Variants in DSCAML1 observed in about 807,000 individuals in gnomAD.
The protein encoded by DSCAML1 is cell adhesion molecule DSCAML1.
DSCAML1 carries 38 observed loss-of-function variants against 200.5 expected under a neutral mutation model. The ratio of observed to expected loss-of-function variants is 0.19; its 90% CI spans 0.15 to 0.25. The LOEUF (loss-of-function observed/expected upper bound fraction) is 0.25. Ranked by LOEUF, DSCAML1 falls within the 10% of genes least tolerant of loss-of-function variation. The probability of loss-of-function intolerance (pLI) is 1.00; values close to 1 mark genes in which losing one functional copy is unlikely to be tolerated. For synonymous variants in DSCAML1, 1,215 were observed against 1,165.0 expected, an observed-to-expected ratio of 1.04 and a Z score of -0.87; for missense variants, 2,223 against 2,858.8, an observed-to-expected ratio of 0.78 and a Z score of 5.07.
intron 3 of DSCAML1, among the ~76,000 whole-genome samples, chr11:117,692,235 G>T (rs1477624199): frequency 6.6e-6 from 1 of 151,882 alleles, no homozygotes; most frequent in African/African-American, 2.4e-5. Context: ...GCTTTTCCAG[G>T]CTTCTTTGCT....
chr11:117,808,854 C>T (rs1021133321), intron 1 of DSCAML1, among the ~76,000 whole-genome samples: 21 of 152,194 alleles, frequency 1.4e-4, no homozygotes, highest in African/African-American at 4.6e-4. Flanking sequence ...CACTTTGTGG[C>T]GTACATATCT....
At chr11:117,430,544 A>G (rs2047765120) in intron 32 of DSCAML1, among the ~76,000 whole-genome samples, 178 bp downstream of exon 32, 2 of 152,202 alleles carry the variant, frequency 1.3e-5, no homozygotes, top group African/African-American at 4.8e-5. Flanking sequence ...TTAAGCCAGG[A>G]TGTGGGCCCT....
At chr11:117,779,609 C>G (rs1196867079) in intron 2 of DSCAML1, among the ~76,000 whole-genome samples, 2 of 152,170 alleles carry the variant, frequency 1.3e-5, no homozygotes, top group Non-Finnish European at 2.9e-5. Context: ...GAACAACCAA[C>G]CTCCCACCAC....
intron 8 of DSCAML1, among the ~76,000 whole-genome samples, chr11:117,510,437 A>T (rs1479867808): frequency 6.7e-6 from 1 of 150,374 alleles, no homozygotes; most frequent in Admixed American, 6.6e-5. Context: ...CACTAAAGTC[A>T]GACACTGATT....
rs114236311 is a variant in DSCAML1 at position 117,666,309 on chromosome 11, C to T, written c.511+110482G>A. Among the ~76,000 whole-genome samples the T allele has an allele frequency of 2.5e-3, 382 of 152,260 alleles. 1 individual carries two copies. The highest frequency in any genetic ancestry group is 8.6e-3 in the African/African-American group (357 of 41,546). On this transcript the variant is annotated intron_variant, in intron 3 of 32. Transcript: ENST00000651296. The stretch of plus-strand genomic sequence containing the variant: ...TGGGGATCAAACAAGATCACACATG[C>T]AAAGAACCCACCCAGTAGCTAGCAT...
chr11:117,540,137 G>C (rs12788483), intron 3 of DSCAML1, among the ~76,000 whole-genome samples: 9,849 of 152,280 alleles, frequency 0.065, 439 homozygotes, highest in Non-Finnish European at 0.095. Context: ...GAGGGAAAAG[G>C]GGGAGTTGTT....
At chr11:117,671,545 G>T (rs983095065) in intron 3 of DSCAML1, among the ~76,000 whole-genome samples, 1 of 152,194 alleles carries the variant, frequency 6.6e-6, no homozygotes, top group Non-Finnish European at 1.5e-5. Flanking sequence ...ATTACCAAAG[G>T]ATTGTGTTCC....
chr11:117,467,045 G>C (rs777496726), intron 16 of DSCAML1, among the ~76,000 whole-genome samples: 2 of 152,128 alleles, frequency 1.3e-5, no homozygotes, highest in Non-Finnish European at 2.9e-5. Flanking sequence ...GGTTAGAAGG[G>C]GGCTGGTGGG....
chr11:117,458,699 G>A (rs520328), intron 19 of DSCAML1, 55 bp downstream of exon 19: 208,540 of 1,591,570 alleles, frequency 0.13, 15,598 homozygotes, highest in Admixed American at 0.28. Context: ...GGTGGGGCTG[G>A]GGGTTAGCAG....
intron 11 of DSCAML1, among the ~76,000 whole-genome samples, chr11:117,490,064 C>T (rs2049154998): frequency 6.6e-6 from 1 of 152,164 alleles, no homozygotes; most frequent in Non-Finnish European, 1.5e-5. Context: ...TCCAGATTTC[C>T]TTCTGCTCGT....
Position 117,481,202 on chromosome 11 carries a change from G to C in DSCAML1, c.2628C>G (p.Asp876Glu), listed in dbSNP as rs896663006. ...SCHAINSYGE[D>E]RGLIQLTVQE... is the part of the protein sequence containing the mutation. ...GCACAGTGAGTTGGATCAAGCCCCG[G>C]TCCTCCCCATACGAGTTGATGGCAT... The change falls in exon 13 of 33, where the codon GAC becomes GAG. Residue 876 changes from aspartate (D) to glutamate (E), a missense_variant. Transcript: ENST00000651296. 3.1e-6 allele frequency: 5 copies of C among 1,613,898 alleles called. No homozygotes were observed. Among genetic ancestry groups the C allele is most frequent in the East Asian group, 2.2e-5 (1 of 44,804 alleles).
upstream of DSCAML1, among the ~76,000 whole-genome samples, chr11:117,798,169 A>G (rs1011705403): frequency 2.0e-5 from 3 of 152,256 alleles, no homozygotes; most frequent in African/African-American, 4.8e-5. Flanking sequence ...AGAATGGCCT[A>G]TGAGCCAGGA....
chr11:117,626,662 A>G (rs1329332242), intron 3 of DSCAML1, among the ~76,000 whole-genome samples: 1 of 152,130 alleles, frequency 6.6e-6, no homozygotes, highest in African/African-American at 2.4e-5. Flanking sequence ...TACCCAAACA[A>G]GCGCTCTCTA....
At chr11:117,673,517 C>A (rs938390829) in intron 3 of DSCAML1, among the ~76,000 whole-genome samples, 3 of 152,160 alleles carry the variant, frequency 2.0e-5, no homozygotes, top group Admixed American at 1.3e-4. Context: ...GGCCCCATCC[C>A]CATTTTCCCA....
Position 117,808,840 on chromosome 11 carries a change from G to A in DSCAML1, c.-250+8550C>T, listed in dbSNP as rs77417945. 5.1e-3 allele frequency among the ~76,000 whole-genome samples: 777 copies of A among 152,242 alleles called. 5 individuals are homozygous for A. Among genetic ancestry groups the A allele is most frequent in the African/African-American group, 0.017 (726 of 41,532 alleles). Reference sequence around the variant, plus strand: ...CATCCCTCACCCACTTTACATGTTCGCAGCACTTTGTGGCGTACATATCTC... The same window carrying A: ...CATCCCTCACCCACTTTACATGTTCACAGCACTTTGTGGCGTACATATCTC... On this transcript the variant is annotated intron_variant, in intron 1 of 2. Transcript: ENST00000525836.
rs1286291453 is a variant in DSCAML1 at position 117,463,366 on chromosome 11, T to G, written c.3265+1576A>C. ...GAACTTATTAGAAATAATACATCCT[T>G]TTTTTTTTTTTTTTAGAGATGGGGT... On this transcript the variant is annotated intron_variant, in intron 17 of 32. Transcript: ENST00000651296. This position sits in a 1 kb window ranked among gnomAD's most constrained non-coding sequence, Gnocchi z 4.0. Among the ~76,000 whole-genome samples, 4 of 140,414 alleles carry G rather than the reference T, an allele frequency of 2.8e-5. No individual in the cohort carries two copies. The highest frequency in any genetic ancestry group is 7.8e-5 in the African/African-American group (3 of 38,560). The allele number at this position is 140,414 out of a possible 152,430, so 92.1% of individuals were successfully genotyped here. A position where few individuals can be genotyped will look rare whatever the true frequency, so the allele number is the denominator to read the frequency against.
intron 3 of DSCAML1, among the ~76,000 whole-genome samples, chr11:117,651,849 T>C (rs2052639614): frequency 6.6e-6 from 1 of 152,070 alleles, no homozygotes; most frequent in African/African-American, 2.4e-5. Flanking sequence ...TCATCCCCGA[T>C]GTCTCCCCGA....
chr11:117,479,341 T>C (rs529470794), intron 14 of DSCAML1, among the ~76,000 whole-genome samples: 4 of 152,238 alleles, frequency 2.6e-5, no homozygotes, highest in Middle Eastern at 3.2e-3. Flanking sequence ...ATTCTACTGT[T>C]TTCTATGCTT....
chr11:117,632,101 C>T (rs779588375), intron 3 of DSCAML1, among the ~76,000 whole-genome samples: 128 of 152,362 alleles, frequency 8.4e-4, no homozygotes, highest in Non-Finnish European at 1.2e-3. Context: ...TATCCCTGCT[C>T]AGCAGACACG....
Sources: allele counts gnomAD v4.1 joint callset (sites outside exome capture counted in the v4.1 genomes callset), GRCh38; gene constraint gnomAD v4.1.1; non-coding constraint Gnocchi (gnomAD v3.1); transcripts MANE v1.5; gene names NCBI Gene and HGNC (gene_info 2026-07-23, HGNC 2026-07-21).